Variants in ASTN2 observed in about 807,000 individuals in gnomAD.
ASTN2 encodes the protein astrotactin 2.
A neutral mutation model predicts 139.8 loss-of-function variants in ASTN2; 54 were observed. The observed-to-expected ratio is 0.39, with a 90% CI of 0.31 to 0.48. ASTN2 has a LOEUF of 0.48. Ranked by LOEUF, ASTN2 falls within the 20% of genes least tolerant of loss-of-function variation. ASTN2 has a pLI of 0.95. For missense variants in ASTN2, 1,565 were observed against 1,725.1 expected, an observed-to-expected ratio of 0.91 and a Z score of 1.64; for synonymous variants, 756 against 719.5, an observed-to-expected ratio of 1.05 and a Z score of -0.81.
At chr9:117,366,965 G>C (rs966133202) in intron 1 of ASTN2, among the ~76,000 whole-genome samples, 1 of 152,036 alleles carries the variant, frequency 6.6e-6, no homozygotes, top group Non-Finnish European at 1.5e-5. Flanking sequence ...AGTAGAGACA[G>C]GGTTTCACCA....
At chr9:116,975,409 G>T in intron 9 of ASTN2, 64 bp from the exon 10 acceptor site, 2 of 1,482,390 alleles carry the variant, frequency 1.3e-6, no homozygotes, top group South Asian at 3.0e-5. Context: ...GAAAAAAGGG[G>T]CCCCTGTTCC....
intron 12 of ASTN2, among the ~76,000 whole-genome samples, chr9:116,814,587 A>G (rs1475218517): frequency 6.6e-6 from 1 of 152,334 alleles, no homozygotes; most frequent in East Asian, 1.9e-4. Context: ...AAACTCTGTC[A>G]AATCATTAAA....
chr9:116,814,789 T>A (rs1000232632), intron 12 of ASTN2, among the ~76,000 whole-genome samples: 1 of 152,222 alleles, frequency 6.6e-6, no homozygotes, highest in Non-Finnish European at 1.5e-5. Flanking sequence ...TAGTTTGTTG[T>A]TGTTGTTTAA....
At chr9:117,277,352 TG>T (rs1295786316) in intron 2 of ASTN2, 1 of 152,222 alleles carries the variant, frequency 6.6e-6, no homozygotes, top group African/African-American at 2.4e-5. Context: ...GAATTCTTTT[TG>T]TTGTTGGTAG....
intron 2 of ASTN2, among the ~76,000 whole-genome samples, chr9:117,222,308 G>A (rs1042255658): frequency 6.6e-6 from 1 of 152,110 alleles, no homozygotes; most frequent in Admixed American, 6.6e-5. Flanking sequence ...GTGTGCTTTG[G>A]CCGTCCATGC....
At chr9:116,736,147 C>T (rs2132130265) in intron 13 of ASTN2, among the ~76,000 whole-genome samples, 1 of 152,306 alleles carries the variant, frequency 6.6e-6, no homozygotes, top group South Asian at 2.1e-4. Context: ...TAATATATTG[C>T]TTTCAACCAT....
At chr9:116,853,215 T>C (rs1471723587) in intron 11 of ASTN2, among the ~76,000 whole-genome samples, 2 of 152,314 alleles carry the variant, frequency 1.3e-5, no homozygotes, top group East Asian at 1.9e-4. Flanking sequence ...TTTTTCTTTA[T>C]ACATTTCAAC....
At chr9:116,617,669 C>T (rs1855921924) in intron 19 of ASTN2, among the ~76,000 whole-genome samples, 2 of 152,284 alleles carry the variant, frequency 1.3e-5, no homozygotes, top group Middle Eastern at 3.4e-3. Context: ...CACAAAAAAA[C>T]AGATGTCTAA....
At chr9:117,377,654 T>C (rs1830159258) in intron 1 of ASTN2, among the ~76,000 whole-genome samples, 1 of 151,174 alleles carries the variant, frequency 6.6e-6, no homozygotes, top group South Asian at 2.1e-4. Context: ...TATATAAATA[T>C]ATATATATAA....
intron 1 of ASTN2, among the ~76,000 whole-genome samples, chr9:117,317,539 T>C (rs1828181709): frequency 6.6e-6 from 1 of 152,194 alleles, no homozygotes; most frequent in African/African-American, 2.4e-5. Flanking sequence ...TAGCTAAGTC[T>C]CCTGCCCATA....
chr9:117,231,538 A>G (rs1012844048), intron 2 of ASTN2, among the ~76,000 whole-genome samples: 1 of 152,204 alleles, frequency 6.6e-6, no homozygotes, highest in African/African-American at 2.4e-5. Flanking sequence ...TAATCGATAC[A>G]TTGGTTTGAA....
intron 18 of ASTN2, among the ~76,000 whole-genome samples, chr9:116,620,052 T>C (rs1374557704): frequency 6.6e-6 from 1 of 152,092 alleles, no homozygotes; most frequent in Non-Finnish European, 1.5e-5. Context: ...GCTGAATGGT[T>C]GCCTGAAGGA....
At chr9:116,679,435 C>T (rs1416016250) in intron 16 of ASTN2, among the ~76,000 whole-genome samples, 2 of 152,006 alleles carry the variant, frequency 1.3e-5, no homozygotes, top group African/African-American at 2.4e-5. Flanking sequence ...GTGTTACTGG[C>T]GTATGTTCCG....
chr9:117,125,687 G>A (rs994789652), intron 4 of ASTN2, among the ~76,000 whole-genome samples: 14 of 152,280 alleles, frequency 9.2e-5, no homozygotes, highest in South Asian at 2.1e-4. Flanking sequence ...ATCTAACTGC[G>A]AGAGAATAAT....
intron 3 of ASTN2, among the ~76,000 whole-genome samples, chr9:117,202,711 T>G (rs936759578): frequency 5.3e-5 from 8 of 152,224 alleles, no homozygotes; most frequent in Non-Finnish European, 8.8e-5. Flanking sequence ...CCACTGTTAT[T>G]CTGATGGGCT....
rs530295689 is a variant in ASTN2 at position 117,009,145 on chromosome 9, C to A, written c.1424-886G>T. On this transcript the variant is annotated intron_variant, in intron 6 of 22. Transcript: ENST00000313400. ...CACATGGAACTAAAGGCTAGTGGCACTAGATCTTCAGATTTTCTTCAGGAG... is the reference window on the plus strand; with the variant it reads ...CACATGGAACTAAAGGCTAGTGGCAATAGATCTTCAGATTTTCTTCAGGAG... Among the ~76,000 whole-genome samples the A allele has an allele frequency of 1.3e-3, 195 of 152,238 alleles. 1 individual carries two copies. Among genetic ancestry groups the A allele is most frequent in the South Asian group, 9.1e-3 (44 of 4,828 alleles).
chr9:116,673,249 GT>G (rs1416227599), intron 16 of ASTN2, among the ~76,000 whole-genome samples: 11 of 152,056 alleles, frequency 7.2e-5, no homozygotes, highest in Non-Finnish European at 1.5e-4. Flanking sequence ...TCCTTGCTTT[GT>G]TTGTGGGTTT....
In ASTN2 at chr9:116,880,834, A is replaced by T. The variant is rs554926683; in HGVS notation, c.1890-17101T>A. Among the ~76,000 whole-genome samples, 7 of 152,262 alleles carry T rather than the reference A, an allele frequency of 4.6e-5. No individual in the cohort carries two copies. In the South Asian group the frequency reaches 1.5e-3, roughly 32 times the overall value. Reference sequence around the variant, plus strand: ...ACTCCATGCTAGATACTTGGCACTCACAGGTGCTGAGACATGACCCCCGCC... The same window carrying T: ...ACTCCATGCTAGATACTTGGCACTCTCAGGTGCTGAGACATGACCCCCGCC... On this transcript the variant is annotated intron_variant, in intron 10 of 22. Coordinates refer to ENST00000313400, the MANE Select transcript of ASTN2 (RefSeq NM_001365068.1).
chr9:116,655,756 T>C (rs1312219923), intron 16 of ASTN2, among the ~76,000 whole-genome samples: 1 of 152,146 alleles, frequency 6.6e-6, no homozygotes, highest in East Asian at 1.9e-4. Flanking sequence ...AGTGGCACAA[T>C]CTCAGCTCAC....
Sources: allele counts gnomAD v4.1 joint callset (sites outside exome capture counted in the v4.1 genomes callset), GRCh38; gene constraint gnomAD v4.1.1; transcripts MANE v1.5; gene names NCBI Gene and HGNC (gene_info 2026-07-23, HGNC 2026-07-21).